The following LIN28B variants were observed in gnomAD, a reference collection of about 807,000 sequenced individuals.
The protein encoded by LIN28B is lin-28 RNA binding posttranscriptional regulator B.
In LIN28B, 5 loss-of-function variants were observed where a neutral mutation model predicts 21.9. The ratio of observed to expected loss-of-function variants is 0.23; its 90% CI spans 0.12 to 0.48. LIN28B has a LOEUF of 0.48. Ranked by LOEUF, LIN28B falls within the 20% of genes least tolerant of loss-of-function variation. LIN28B has a pLI of 0.98. For synonymous variants in LIN28B, 109 were observed against 111.3 expected (o/e 0.98, Z 0.13); for missense variants, 245 against 310.5 (o/e 0.79, Z 1.58).
chr6:105,053,825 C>T (rs1771966645), intron 3 of LIN28B, among the ~76,000 whole-genome samples: 1 of 151,824 alleles, frequency 6.6e-6, no homozygotes, highest in Admixed American at 6.6e-5. Flanking sequence ...CTCAGCCTCC[C>T]GGGTTCAAGT....
At chr6:105,043,612 T>A (rs1183133329) in intron 3 of LIN28B, among the ~76,000 whole-genome samples, 4 of 151,082 alleles carry the variant, frequency 2.6e-5, no homozygotes, top group African/African-American at 9.7e-5. Context: ...AGAGACAGGG[T>A]CTCACTCTCA....
At chr6:105,039,420 C>G (rs1771587993) in intron 3 of LIN28B, among the ~76,000 whole-genome samples, 1 of 152,148 alleles carries the variant, frequency 6.6e-6, no homozygotes, top group African/African-American at 2.4e-5. Context: ...ATTAGAGCTA[C>G]ATCTCAAGGA....
At chr6:105,029,681 A>G (rs1393890900) in intron 3 of LIN28B, among the ~76,000 whole-genome samples, 1 of 152,212 alleles carries the variant, frequency 6.6e-6, no homozygotes, top group African/African-American at 2.4e-5. Context: ...AGACCCACAT[A>G]AGAATAGTGG....
intron 2 of LIN28B, among the ~76,000 whole-genome samples, chr6:105,025,512 C>T (rs371392429): frequency 3.0e-4 from 45 of 152,108 alleles, no homozygotes; most frequent in African/African-American, 8.5e-4. Flanking sequence ...GCTCAAACGA[C>T]GCAGTAATGT....
intron 3 of LIN28B, among the ~76,000 whole-genome samples, chr6:105,040,454 G>A (rs890359097): frequency 4.0e-5 from 6 of 151,870 alleles, no homozygotes; most frequent in Middle Eastern, 3.4e-3. Context: ...CTTCTTTCAT[G>A]GGAAAAACAT....
At chr6:104,960,414 T>A (rs568421294) in intron 2 of LIN28B, among the ~76,000 whole-genome samples, 1 of 152,266 alleles carries the variant, frequency 6.6e-6, no homozygotes, top group East Asian at 1.9e-4. Flanking sequence ...ATTATTATTT[T>A]AGAGGCCTTT....
chr6:105,071,799 T>C lies in LIN28B; in HGVS notation c.384-6615T>C, dbSNP rs117518926. 3.9e-3 allele frequency among the ~76,000 whole-genome samples: 588 copies of C among 152,360 alleles called. 5 individuals are homozygous for C. The highest frequency in any genetic ancestry group is 3.4e-3 in the Non-Finnish European group (234 of 68,032). ...CTTCTCTCTTTTGACTGGAATTTTA[T>C]TGAGTGAGTTTGATAGCACTGATTA... On this transcript the variant is annotated intron_variant, in intron 3 of 3. Transcript: ENST00000345080.
intron 3 of LIN28B, among the ~76,000 whole-genome samples, chr6:105,069,190 C>T (rs564409329): frequency 6.6e-6 from 1 of 152,256 alleles, no homozygotes; most frequent in Non-Finnish European, 1.5e-5. Flanking sequence ...TGCACTCCAG[C>T]CTGGGCAACA....
chr6:105,049,651 T>G (rs221611), intron 3 of LIN28B, among the ~76,000 whole-genome samples: 149,425 of 150,056 alleles, frequency 1, 74,397 homozygotes, highest in Middle Eastern at 1. Flanking sequence ...CTCTTTGTAG[T>G]TCTCTAAGGA....
intron 2 of LIN28B, among the ~76,000 whole-genome samples, chr6:104,986,906 C>A (rs1204013642): frequency 6.6e-6 from 1 of 152,222 alleles, no homozygotes; most frequent in Non-Finnish European, 1.5e-5. Context: ...CACACACTTA[C>A]TAGGGTCAAC....
chr6:104,939,215 A>C (rs557782015), intron 2 of LIN28B: 58 of 152,332 alleles, frequency 3.8e-4, no homozygotes, highest in African/African-American at 1.4e-3. Context: ...TTTTTCCTCT[A>C]AATTATATTT....
intron 2 of LIN28B, among the ~76,000 whole-genome samples, chr6:104,978,369 A>G (rs1770149117): frequency 6.6e-6 from 1 of 152,170 alleles, no homozygotes. Context: ...TATTAAATGT[A>G]ACTAGTAGAG....
intron 2 of LIN28B, among the ~76,000 whole-genome samples, chr6:104,978,549 G>A (rs1166284010): frequency 6.6e-6 from 1 of 151,604 alleles, no homozygotes; most frequent in Admixed American, 6.6e-5. Flanking sequence ...TCTGAAAGGA[G>A]TATAAAGGTA....
intron 3 of LIN28B, among the ~76,000 whole-genome samples, chr6:105,067,506 G>A (rs940988530): frequency 6.6e-6 from 1 of 152,092 alleles, no homozygotes; most frequent in East Asian, 1.9e-4. Context: ...ATAACAAACT[G>A]CTTTTACTCC....
intron 2 of LIN28B, among the ~76,000 whole-genome samples, chr6:105,006,794 G>C (rs1171336680): frequency 6.6e-6 from 1 of 152,084 alleles, no homozygotes; most frequent in Non-Finnish European, 1.5e-5. Context: ...GCAGGAAAGG[G>C]GATACAGCAG....
intron 2 of LIN28B, among the ~76,000 whole-genome samples, chr6:104,996,926 G>A (rs1037197490): frequency 6.6e-5 from 10 of 152,292 alleles, no homozygotes; most frequent in Non-Finnish European, 1.0e-4. Flanking sequence ...TTGAGGCTGC[G>A]TGAGCTAGGA....
At chr6:104,941,801 A>G (rs1778098466) in intron 2 of LIN28B, among the ~76,000 whole-genome samples, 1 of 152,190 alleles carries the variant, frequency 6.6e-6, no homozygotes, top group Non-Finnish European at 1.5e-5. Context: ...TTAACTGACT[A>G]CTGACTGGAA....
chr6:105,004,476 T>C (rs561380308), intron 2 of LIN28B, among the ~76,000 whole-genome samples: 12 of 152,258 alleles, frequency 7.9e-5, no homozygotes, highest in East Asian at 1.9e-4. Context: ...CTTTTTTTTT[T>C]CCCCTCAGAT....
chr6:105,015,495 G>T (rs935995993), intron 2 of LIN28B, among the ~76,000 whole-genome samples: 1 of 151,924 alleles, frequency 6.6e-6, no homozygotes. Flanking sequence ...CTGCATTTTC[G>T]TTGGAGTGTT....
Sources: allele counts gnomAD v4.1 joint callset (sites outside exome capture counted in the v4.1 genomes callset), GRCh38; gene constraint gnomAD v4.1.1; transcripts MANE v1.5; gene names NCBI Gene and HGNC (gene_info 2026-07-23, HGNC 2026-07-21).